The following P4HA1 variants were observed in gnomAD, a reference collection of about 807,000 sequenced individuals.
The protein encoded by P4HA1 is prolyl 4-hydroxylase subunit alpha 1.
Under a neutral mutation model 72.8 loss-of-function variants are expected in P4HA1, and 24 were observed. That is an observed-to-expected ratio of 0.33 (90% CI 0.24 to 0.46). The LOEUF (loss-of-function observed/expected upper bound fraction) is 0.46, where lower values mean the gene tolerates loss of function less well. Among genes scored for constraint, P4HA1 ranks in the 20% least tolerant of loss-of-function variants. P4HA1 has a pLI of 1.00. For synonymous variants in P4HA1, 201 were observed against 218.8 expected (o/e 0.92, Z 0.72); for missense variants, 446 against 640.6 (o/e 0.70, Z 3.28).
chr10:73,081,300 T>A (rs1841817446), intron 1 of P4HA1, among the ~76,000 whole-genome samples: 1 of 152,066 alleles, frequency 6.6e-6, no homozygotes, highest in Admixed American at 6.6e-5. Context: ...AAAGATAAAC[T>A]TACACTGGAA....
At position 73,008,109 on chromosome 10, in the gene P4HA1, TG is replaced by T. The variant is rs1482029303; in HGVS notation, c.*112del. ...TGAAACATGGGATGAGGTTCATGACTGAATCAATCATGGAGTGTTAGTCAAT... is the reference window on the plus strand; with the variant it reads ...TGAAACATGGGATGAGGTTCATGACTAATCAATCATGGAGTGTTAGTCAAT... On this transcript the variant is annotated 3_prime_UTR_variant, in exon 15 of 15. Transcript: ENST00000394890. The T allele has an allele frequency of 4.8e-6, 3 of 629,342 alleles. No homozygotes were observed. The Admixed American group carries it at 7.1e-5, about 15-fold the overall frequency. The allele number at this position is 629,342 out of a possible 1,614,324, so 39.0% of individuals were successfully genotyped here. A position where few individuals can be genotyped will look rare whatever the true frequency, so the allele number is the denominator to read the frequency against.
intron 3 of P4HA1, among the ~76,000 whole-genome samples, chr10:73,072,999 G>A (rs920279226): frequency 7.2e-5 from 11 of 151,726 alleles, no homozygotes; most frequent in South Asian, 2.1e-4. Flanking sequence ...GCAAAACCCC[G>A]TCTCTACTAA....
intron 10 of P4HA1, among the ~76,000 whole-genome samples, chr10:73,017,802 A>ATTAAGAGATATCAT (rs1364388145): frequency 2.0e-5 from 3 of 152,186 alleles, no homozygotes; most frequent in Non-Finnish European, 4.4e-5. Context: ...TTACAATGTA[A>ATTAAGAGATATCAT]CTTTGGATAT....
At chr10:73,060,817 A>T (rs1036258264) in intron 5 of P4HA1, among the ~76,000 whole-genome samples, 3 of 152,184 alleles carry the variant, frequency 2.0e-5, no homozygotes, top group African/African-American at 7.2e-5. Flanking sequence ...ACAAAAAAAA[A>T]ATAATAATAT....
At chr10:73,095,227 TAAAAAAAAA>T (rs35159575) in intron 1 of P4HA1, among the ~76,000 whole-genome samples, 26 of 67,342 alleles carry the variant, frequency 3.9e-4, no homozygotes, top group African/African-American at 9.3e-4. Flanking sequence ...GCTCACAAGC[TAAAAAAAAA>T]AAAAAAAAAA....
intron 5 of P4HA1, among the ~76,000 whole-genome samples, chr10:73,057,302 A>T (rs1194637222): frequency 6.6e-6 from 1 of 151,818 alleles, no homozygotes; most frequent in Non-Finnish European, 1.5e-5. Flanking sequence ...CATCCTGGCT[A>T]ACATGGTGAA....
At chr10:73,008,361 C>T in intron 14 of P4HA1, 69 bp from the exon 15 acceptor site, 1 of 991,792 alleles carries the variant, frequency 1.0e-6, no homozygotes, top group South Asian at 1.4e-5. Flanking sequence ...TTTCTAAAAG[C>T]TAGGTCTATA....
chr10:73,009,890 A>T lies in P4HA1; in HGVS notation c.1451T>A (p.Phe484Tyr), dbSNP rs1246161843. The T allele has an allele frequency of 6.3e-7, 1 of 1,597,314 alleles. No individual in the cohort carries two copies. Among genetic ancestry groups the T allele is most frequent in the Non-Finnish European group, 8.6e-7 (1 of 1,164,730 alleles). ...SVWPKKGTAV[F>Y]WYNLFASGEG... ...TCCACTGGCAAACAGATTATACCAG[A>T]AAACAGCAGTTCCCTATGGAGAACA... Residue 484 changes from phenylalanine to tyrosine, a missense_variant, in exon 14 of 15, where the codon TTC (phenylalanine) becomes TAC (tyrosine). Coordinates refer to ENST00000394890, the MANE Select transcript of P4HA1 (RefSeq NM_001017962.3).
At chr10:73,009,774 A>G (rs1839872593) in intron 14 of P4HA1, 33 bp downstream of exon 14, 1 of 1,219,730 alleles carries the variant, frequency 8.2e-7, no homozygotes, top group Admixed American at 1.7e-5. Flanking sequence ...AACAAAAATT[A>G]CATTATCTTC....
chr10:73,056,030 C>T (rs1841140898), intron 5 of P4HA1, among the ~76,000 whole-genome samples: 1 of 152,164 alleles, frequency 6.6e-6, no homozygotes, highest in Non-Finnish European at 1.5e-5. Flanking sequence ...GCAATGTAAA[C>T]TGGTAACTTT....
intron 5 of P4HA1, among the ~76,000 whole-genome samples, chr10:73,057,193 T>TA (rs894574590): frequency 6.7e-6 from 1 of 148,414 alleles, no homozygotes. Context: ...AAATGCTAGT[T>TA]AAAACACAAA....
intron 9 of P4HA1, among the ~76,000 whole-genome samples, chr10:73,036,003 A>C (rs1237923306): frequency 2.0e-5 from 3 of 152,118 alleles, no homozygotes; most frequent in Non-Finnish European, 2.9e-5. Flanking sequence ...AGCCTGACCA[A>C]CGTGGTGAAA....
intron 5 of P4HA1, among the ~76,000 whole-genome samples, chr10:73,061,967 T>C (rs1589612294): frequency 6.6e-6 from 1 of 152,184 alleles, no homozygotes; most frequent in East Asian, 1.9e-4. Flanking sequence ...TGCAGTGAGC[T>C]ATGATCATGC....
chr10:73,026,354 G>A (rs561276901), intron 10 of P4HA1, among the ~76,000 whole-genome samples: 12 of 152,298 alleles, frequency 7.9e-5, no homozygotes, highest in African/African-American at 2.6e-4. Context: ...AAGAAATGGG[G>A]AAAGGATTCC....
chr10:73,053,089 T>A (rs1366189639), intron 6 of P4HA1, among the ~76,000 whole-genome samples: 1 of 152,234 alleles, frequency 6.6e-6, no homozygotes, highest in Non-Finnish European at 1.5e-5. Context: ...ATTTTTGACT[T>A]AGTTACGTTA....
chr10:73,041,083 T>A (rs1045672452), intron 9 of P4HA1, among the ~76,000 whole-genome samples: 1 of 152,202 alleles, frequency 6.6e-6, no homozygotes, highest in Non-Finnish European at 1.5e-5. Flanking sequence ...TCCTTAAGGA[T>A]AATTGCTCCT....
intron 5 of P4HA1, among the ~76,000 whole-genome samples, chr10:73,057,918 C>A (rs1399896907): frequency 6.6e-6 from 1 of 151,542 alleles, no homozygotes; most frequent in Admixed American, 6.6e-5. Flanking sequence ...GGCGAAAGGC[C>A]GTCTTTACTA....
intron 1 of P4HA1, among the ~76,000 whole-genome samples, chr10:73,092,180 T>C (rs1842044315): frequency 1.3e-5 from 2 of 152,152 alleles, no homozygotes; most frequent in Non-Finnish European, 2.9e-5. Flanking sequence ...TGAATCTAGA[T>C]ATGCATTTCC....
chr10:73,027,578 C>T (rs1840308764), intron 10 of P4HA1, among the ~76,000 whole-genome samples: 1 of 119,630 alleles, frequency 8.4e-6, no homozygotes, highest in South Asian at 2.7e-4. Context: ...GCACATGTAC[C>T]CTAGAACTTA....
Sources: allele counts gnomAD v4.1 joint callset (sites outside exome capture counted in the v4.1 genomes callset), GRCh38; gene constraint gnomAD v4.1.1; transcripts MANE v1.5; gene names NCBI Gene and HGNC (gene_info 2026-07-23, HGNC 2026-07-21).